Variants in IL23R observed in about 807,000 individuals in gnomAD.
IL23R encodes the protein interleukin 23 receptor, also known as interleukin-23 receptor.
In IL23R, 34 loss-of-function variants were observed where a neutral mutation model predicts 56.9. The ratio of observed to expected loss-of-function variants is 0.60; its 90% CI spans 0.45 to 0.80. The LOEUF (loss-of-function observed/expected upper bound fraction) is 0.80, where lower values mean the gene tolerates loss of function less well. Ranked by LOEUF, IL23R falls within the 30% of genes least tolerant of loss-of-function variation. The probability of loss-of-function intolerance (pLI) is 0.00; values close to 1 mark genes in which losing one functional copy is unlikely to be tolerated. For synonymous variants in IL23R, 230 were observed against 249.2 expected (o/e 0.92, Z 0.73); for missense variants, 635 against 730.0 (o/e 0.87, Z 1.50).
chr1:67,253,971 C>T (rs1652800525), intron 9 of IL23R, among the ~76,000 whole-genome samples: 1 of 152,056 alleles, frequency 6.6e-6, no homozygotes, highest in East Asian at 1.9e-4. Flanking sequence ...TACATTTGAA[C>T]AGATACTTTT....
intron 4 of IL23R, among the ~76,000 whole-genome samples, chr1:67,199,164 CAG>C (rs1470293826): frequency 3.3e-5 from 5 of 152,210 alleles, no homozygotes; most frequent in Non-Finnish European, 7.3e-5. Flanking sequence ...CCTGATCCAT[CAG>C]TAGCTCATGG....
chr1:67,196,569 G>A (rs1035888287), intron 4 of IL23R, among the ~76,000 whole-genome samples: 1 of 151,938 alleles, frequency 6.6e-6, no homozygotes, highest in African/African-American at 2.4e-5. Context: ...AAGAATGTAG[G>A]CTACTTGGCT....
intron 9 of IL23R, among the ~76,000 whole-genome samples, chr1:67,246,900 T>C (rs1265449813): frequency 2.6e-5 from 4 of 152,162 alleles, no homozygotes; most frequent in African/African-American, 9.7e-5. Flanking sequence ...CTGTCTAATA[T>C]TGACAGTGGG....
chr1:67,141,139 C>A (rs1646633330), intron 1 of IL23R, among the ~76,000 whole-genome samples: 1 of 152,096 alleles, frequency 6.6e-6, no homozygotes, highest in African/African-American at 2.4e-5. Context: ...GATTAGAAAG[C>A]TTTATACACA....
chr1:67,141,788 G>C (rs1646640158), intron 1 of IL23R, among the ~76,000 whole-genome samples: 1 of 151,950 alleles, frequency 6.6e-6, no homozygotes, highest in Non-Finnish European at 1.5e-5. Context: ...GTGGGATTGA[G>C]GAGGAATTAT....
chr1:67,161,829 T>C (rs1436000001), upstream of IL23R, among the ~76,000 whole-genome samples: 1 of 152,008 alleles, frequency 6.6e-6, no homozygotes, highest in East Asian at 1.9e-4. Context: ...AGTTTCACCA[T>C]GTTGGCCAGG....
At chr1:67,238,834 G>T (rs1651669375) in intron 8 of IL23R, among the ~76,000 whole-genome samples, 1 of 152,118 alleles carries the variant, frequency 6.6e-6, no homozygotes, top group Non-Finnish European at 1.5e-5. Context: ...TTTAGCCCTG[G>T]GAAAACATTA....
intron 3 of IL23R, among the ~76,000 whole-genome samples, chr1:67,178,042 C>A (rs1647035045): frequency 6.6e-6 from 1 of 151,934 alleles, no homozygotes; most frequent in African/African-American, 2.4e-5. Context: ...AGTTTGAAGT[C>A]AGGTAGCATG....
chr1:67,201,998 G>T (rs892310252), intron 5 of IL23R, among the ~76,000 whole-genome samples: 8 of 152,030 alleles, frequency 5.3e-5, no homozygotes, highest in East Asian at 3.9e-4. Context: ...CATAGTTTTT[G>T]ATTGTTTCCT....
At position 67,222,655 on chromosome 1, in the gene IL23R, G is replaced by T. The variant is rs1392454399; in HGVS notation, c.955+2925G>T. Among the ~76,000 whole-genome samples, 3 of 152,074 alleles carry T rather than the reference G, an allele frequency of 2.0e-5. No individual in the cohort carries two copies. The East Asian group carries it at 5.8e-4, about 29-fold the overall frequency. ...CCTGTGTATAAGCTTGTTTGATTATGATGTCAGCCATATTTGGTAGTGTAA... is the reference window on the plus strand; with the variant it reads ...CCTGTGTATAAGCTTGTTTGATTATTATGTCAGCCATATTTGGTAGTGTAA... On this transcript the variant is annotated intron_variant, in intron 7 of 10. Coordinates refer to ENST00000347310, the MANE Select transcript of IL23R (RefSeq NM_144701.3).
chr1:67,147,604 G>A (rs1646690979), intron 1 of IL23R, among the ~76,000 whole-genome samples: 1 of 152,022 alleles, frequency 6.6e-6, no homozygotes, highest in African/African-American at 2.4e-5. Flanking sequence ...GGAGGCTGAG[G>A]CAGGATAATA....
intron 7 of IL23R, among the ~76,000 whole-genome samples, chr1:67,220,066 G>A (rs571361559): frequency 1.3e-5 from 2 of 152,028 alleles, no homozygotes; most frequent in South Asian, 2.1e-4. Context: ...CCAAGACCCT[G>A]TTTCCTAAAA....
intron 3 of IL23R, 27 bp from the exon 4 acceptor site, chr1:67,182,809 C>A: frequency 6.2e-7 from 1 of 1,613,444 alleles, no homozygotes; most frequent in Non-Finnish European, 8.5e-7. Flanking sequence ...TCTTACAGCA[C>A]CTCCTAAGTG....
chr1:67,263,966 G>T (rs557619490), downstream of IL23R, among the ~76,000 whole-genome samples: 1 of 152,100 alleles, frequency 6.6e-6, no homozygotes, highest in Non-Finnish European at 1.5e-5. Flanking sequence ...TGTGCCCTCT[G>T]CTTCTCCCTC....
chr1:67,175,680 G>A (rs1353381061), intron 3 of IL23R, among the ~76,000 whole-genome samples: 1 of 152,112 alleles, frequency 6.6e-6, no homozygotes, highest in African/African-American at 2.4e-5. Flanking sequence ...CCTTTTTAAG[G>A]CTGAGTAATA....
At chr1:67,227,981 T>C (rs1005412089) in intron 7 of IL23R, among the ~76,000 whole-genome samples, 1 of 89,310 alleles carries the variant, frequency 1.1e-5, no homozygotes, top group African/African-American at 4.6e-5. Flanking sequence ...TTTCTTTCTT[T>C]CTTTCTTTCT....
At chr1:67,191,911 G>A (rs1017017352) in intron 4 of IL23R, among the ~76,000 whole-genome samples, 3 of 152,098 alleles carry the variant, frequency 2.0e-5, no homozygotes, top group Admixed American at 6.6e-5. Context: ...CTCTTTTGCT[G>A]ATTCATCTTC....
downstream of IL23R, among the ~76,000 whole-genome samples, chr1:67,261,317 CT>C (rs34805261): frequency 0.013 from 1,705 of 131,528 alleles, 16 homozygotes; most frequent in African/African-American, 0.032. Flanking sequence ...AGAAATTTAT[CT>C]TTTTTTTTTT....
At chr1:67,249,615 A>C (rs1022408863) in intron 9 of IL23R, among the ~76,000 whole-genome samples, 1 of 152,130 alleles carries the variant, frequency 6.6e-6, no homozygotes, top group Non-Finnish European at 1.5e-5. Context: ...AACCTGAAGA[A>C]GATTAAACAT....
Sources: gnomAD v4.1 joint callset for allele counts (sites outside exome capture counted in the v4.1 genomes callset) on GRCh38, gnomAD v4.1.1 for gene constraint, MANE v1.5 for transcripts, NCBI Gene and HGNC (gene_info 2026-07-23, HGNC 2026-07-21) for gene names.